CCSER1: variants seen among roughly 807,000 people sequenced by gnomAD.
CCSER1 encodes the protein serine-rich coiled-coil domain-containing protein 1.
In CCSER1, 41 loss-of-function variants were observed where a neutral mutation model predicts 82.0. That is an observed-to-expected ratio of 0.50 (90% CI 0.39 to 0.65). The LOEUF (loss-of-function observed/expected upper bound fraction) is 0.65, where lower values mean the gene tolerates loss of function less well. Among genes scored for constraint, CCSER1 ranks in the 30% least tolerant of loss-of-function variants. CCSER1 has a pLI of 0.00. For missense variants in CCSER1, 1,119 were observed against 1,064.2 expected (o/e 1.05, Z -0.72); for synonymous variants, 414 against 383.9 (o/e 1.08, Z -0.92).
chr4:90,356,630 T>A (rs1196084900), intron 3 of CCSER1, among the ~76,000 whole-genome samples: 1 of 151,776 alleles, frequency 6.6e-6, no homozygotes, highest in African/African-American at 2.4e-5. Flanking sequence ...GGTAATAAAT[T>A]TAAAATCTTA....
intron 9 of CCSER1, among the ~76,000 whole-genome samples, 153 bp from the exon 10 acceptor site, chr4:91,085,795 GAC>G (rs1382036938): frequency 1.3e-5 from 2 of 152,014 alleles, no homozygotes; most frequent in Admixed American, 6.6e-5. Context: ...CACACACATA[GAC>G]ACATACACAC....
intron 10 of CCSER1, among the ~76,000 whole-genome samples, chr4:91,306,059 T>TTGTGTGTGTGTGTGTGTGTG (rs70965483): frequency 7.2e-6 from 1 of 139,538 alleles, no homozygotes; most frequent in African/African-American, 2.6e-5. Context: ...ATCAGTGTGT[T>TTGTGTGTGTGTGTGTGTGTG]TGTGTGTGTG....
intron 1 of CCSER1, among the ~76,000 whole-genome samples, chr4:90,137,743 A>G (rs1723953106): frequency 6.6e-6 from 1 of 152,250 alleles, no homozygotes; most frequent in Admixed American, 6.5e-5. Context: ...GGAGCTATCC[A>G]GGGTACTAGA....
intron 9 of CCSER1, among the ~76,000 whole-genome samples, chr4:90,985,786 G>C (rs1442287649): frequency 6.6e-6 from 1 of 151,438 alleles, no homozygotes; most frequent in Non-Finnish European, 1.5e-5. Flanking sequence ...TGTATTTTAG[G>C]AATGTGTTAA....
intron 1 of CCSER1, among the ~76,000 whole-genome samples, chr4:90,152,366 G>T (rs1242290443): frequency 1.3e-5 from 2 of 152,150 alleles, no homozygotes; most frequent in African/African-American, 4.8e-5. Context: ...CTGAGGCCAG[G>T]ATGAAGGAAT....
chr4:90,634,877 T>C (rs1251232591), intron 6 of CCSER1, among the ~76,000 whole-genome samples: 1 of 151,826 alleles, frequency 6.6e-6, no homozygotes, highest in Non-Finnish European at 1.5e-5. Flanking sequence ...TTAAGGAAAA[T>C]TAGAAAAACA....
intron 8 of CCSER1, among the ~76,000 whole-genome samples, chr4:90,861,672 A>G (rs1765100636): frequency 6.6e-6 from 1 of 151,774 alleles, no homozygotes; most frequent in South Asian, 2.1e-4. Context: ...AAATTCTTGT[A>G]GAGTTATCAC....
chr4:90,865,854 GA>G (rs1254501699), intron 8 of CCSER1, among the ~76,000 whole-genome samples: 2 of 151,944 alleles, frequency 1.3e-5, no homozygotes, highest in Non-Finnish European at 2.9e-5. Flanking sequence ...AATTTGTAAA[GA>G]AAAGAGGTTT....
intron 1 of CCSER1, among the ~76,000 whole-genome samples, chr4:90,230,203 T>C (rs1291220760): frequency 2.6e-5 from 4 of 152,018 alleles, no homozygotes; most frequent in Non-Finnish European, 4.4e-5. Flanking sequence ...TATTCCAAAA[T>C]TGACCACATA....
chr4:90,461,936 C>G (rs1189067437), intron 4 of CCSER1, among the ~76,000 whole-genome samples: 1 of 152,160 alleles, frequency 6.6e-6, no homozygotes, highest in Admixed American at 6.6e-5. Context: ...ACTACAGTGT[C>G]TGGATATGGA....
At chr4:90,703,081 A>G (rs1434660244) in intron 6 of CCSER1, among the ~76,000 whole-genome samples, 1 of 152,084 alleles carries the variant, frequency 6.6e-6, no homozygotes, top group Non-Finnish European at 1.5e-5. Context: ...TCAATTTTAG[A>G]TCTTTCCTGC....
chr4:90,688,816 T>A (rs1735286599), intron 6 of CCSER1, among the ~76,000 whole-genome samples: 1 of 152,186 alleles, frequency 6.6e-6, no homozygotes, highest in South Asian at 2.1e-4. Flanking sequence ...TATTACCATT[T>A]GAAAAATCAA....
In CCSER1 at chr4:90,381,867, T is replaced by G. The variant is rs1207457767; in HGVS notation, c.1510-18169T>G. Reference sequence around the variant, plus strand: ...TAATACTCATCATTATTTATATACCTTCAATAATTATTTTTTAAATTCCAC... The same window carrying G: ...TAATACTCATCATTATTTATATACCGTCAATAATTATTTTTTAAATTCCAC... On this transcript the variant is annotated intron_variant, in intron 3 of 10. Coordinates refer to ENST00000509176, the MANE Select transcript of CCSER1 (RefSeq NM_001145065.2). Among the ~76,000 whole-genome samples, 3 of 152,234 alleles carry G rather than the reference T, an allele frequency of 2.0e-5. No individual in the cohort carries two copies. In the East Asian group the frequency reaches 5.8e-4, roughly 29 times the overall value.
chr4:90,340,420 CA>C (rs1412135685), intron 3 of CCSER1, among the ~76,000 whole-genome samples: 20 of 152,212 alleles, frequency 1.3e-4, no homozygotes, highest in Non-Finnish European at 2.4e-4. Context: ...AAAAAGTCCT[CA>C]GAGAAAGCTG....
chr4:90,294,068 T>A (rs1375059160), intron 1 of CCSER1, among the ~76,000 whole-genome samples: 5 of 150,352 alleles, frequency 3.3e-5, no homozygotes, highest in Non-Finnish European at 7.4e-5. Context: ...ATAAATTGAC[T>A]TTTTTTCTAA....
chr4:90,910,091 G>T (rs1218859619), intron 8 of CCSER1, among the ~76,000 whole-genome samples: 1 of 152,134 alleles, frequency 6.6e-6, no homozygotes, highest in Non-Finnish European at 1.5e-5. Flanking sequence ...TCTTCACATG[G>T]TGGCAGGAAA....
intron 10 of CCSER1, among the ~76,000 whole-genome samples, chr4:91,589,274 C>T (rs754293466): frequency 9.9e-5 from 15 of 151,598 alleles, no homozygotes; most frequent in Non-Finnish European, 2.2e-4. Flanking sequence ...ATCATTTAAG[C>T]AAGAAATTTA....
At chr4:91,482,662 C>G (rs1276603003) in intron 10 of CCSER1, among the ~76,000 whole-genome samples, 1 of 151,914 alleles carries the variant, frequency 6.6e-6, no homozygotes, top group Non-Finnish European at 1.5e-5. Flanking sequence ...TATTGTGGCA[C>G]TATTCACAAT....
chr4:90,197,168 A>G (rs1377806444), intron 1 of CCSER1, among the ~76,000 whole-genome samples: 1 of 152,142 alleles, frequency 6.6e-6, no homozygotes, highest in Non-Finnish European at 1.5e-5. Flanking sequence ...CCCATTTATT[A>G]TAAAGGATAT....
Sources: gnomAD v4.1 joint callset for allele counts (sites outside exome capture counted in the v4.1 genomes callset) on GRCh38, gnomAD v4.1.1 for gene constraint, MANE v1.5 for transcripts, NCBI Gene and HGNC (gene_info 2026-07-23, HGNC 2026-07-21) for gene names.